CTNNA2: variants seen among roughly 807,000 people sequenced by gnomAD.
The protein encoded by CTNNA2 is catenin alpha 2.
Under a neutral mutation model 101.0 loss-of-function variants are expected in CTNNA2, and 42 were observed. The ratio of observed to expected loss-of-function variants is 0.42; its 90% CI spans 0.32 to 0.54. The LOEUF (loss-of-function observed/expected upper bound fraction) is 0.54, where lower values mean the gene tolerates loss of function less well. Among genes scored for constraint, CTNNA2 ranks in the 20% least tolerant of loss-of-function variants. CTNNA2 has a pLI of 0.14. For synonymous variants in CTNNA2, 450 were observed against 456.4 expected, an observed-to-expected ratio of 0.99 and a Z score of 0.18; for missense variants, 871 against 1,223.1, an observed-to-expected ratio of 0.71 and a Z score of 4.29.
intron 7 of CTNNA2, among the ~76,000 whole-genome samples, chr2:80,252,969 G>A (rs1671878492): frequency 6.6e-6 from 1 of 152,054 alleles, no homozygotes; most frequent in African/African-American, 2.4e-5. Flanking sequence ...AGAAACCCTG[G>A]CTCTAAAGTA....
chr2:80,427,363 T>A (rs541305249), intron 9 of CTNNA2, among the ~76,000 whole-genome samples: 2 of 152,332 alleles, frequency 1.3e-5, no homozygotes, highest in East Asian at 3.9e-4. Context: ...CACCTGCTGT[T>A]TGCTACGAGG....
At chr2:79,942,340 C>T (rs925906579) in intron 7 of CTNNA2, among the ~76,000 whole-genome samples, 39 of 152,168 alleles carry the variant, frequency 2.6e-4, no homozygotes, top group Non-Finnish European at 4.4e-5. Flanking sequence ...ATCAGGTTAC[C>T]AGGTCCATGG....
intron 1 of CTNNA2, among the ~76,000 whole-genome samples, chr2:79,624,784 TA>T (rs757459354): frequency 1.3e-5 from 2 of 152,060 alleles, no homozygotes; most frequent in African/African-American, 2.4e-5. Context: ...AAAACATAAT[TA>T]AGATCAGTTC....
intron 7 of CTNNA2, among the ~76,000 whole-genome samples, chr2:80,239,500 G>A (rs573541664): frequency 6.6e-6 from 1 of 152,092 alleles, no homozygotes; most frequent in African/African-American, 2.4e-5. Flanking sequence ...CCGCAGTGGA[G>A]GTCTAATAGT....
intron 4 of CTNNA2, among the ~76,000 whole-genome samples, chr2:79,504,775 G>A (rs1671376846): frequency 6.6e-6 from 1 of 152,148 alleles, no homozygotes; most frequent in Non-Finnish European, 1.5e-5. Flanking sequence ...TGTCTTTTTA[G>A]TTGTATTAAA....
chr2:79,782,288 G>A (rs989061767), intron 3 of CTNNA2, among the ~76,000 whole-genome samples: 5 of 152,092 alleles, frequency 3.3e-5, no homozygotes, highest in African/African-American at 1.2e-4. Context: ...CCAGGTTGGA[G>A]TGCAATGGCA....
intron 6 of CTNNA2, among the ~76,000 whole-genome samples, chr2:79,886,281 A>G (rs951863485): frequency 7.2e-5 from 11 of 152,172 alleles, no homozygotes; most frequent in Admixed American, 2.0e-4. Context: ...AAAGATCATC[A>G]TTGCATGCAG....
At position 79,651,561 on chromosome 2, in the gene CTNNA2, C is replaced by A; in HGVS notation, c.5C>A (p.Thr2Asn). Residue 2 changes from threonine (T) to asparagine (N), a missense_variant, in exon 2 of 19, where the codon ACT becomes AAT. By Grantham distance (65) the Thr-to-Asn change is moderately conservative (BLOSUM62 0). Transcript: ENST00000402739. Reference protein sequence around the residue: MTSATSPIILKW... With the variant: MNSATSPIILKW... The stretch of plus-strand genomic sequence containing the variant: ...ACATGTGTTCCCATAGGGAGCATGA[C>A]TTCGGCAACTTCACCTATCATTCTG... 1 of 1,613,708 alleles carries A rather than the reference C, an allele frequency of 6.2e-7. No homozygotes were observed. Among genetic ancestry groups the A allele is most frequent in the East Asian group, 2.2e-5 (1 of 44,882 alleles).
At chr2:80,312,117 G>A (rs371476326) in intron 7 of CTNNA2, among the ~76,000 whole-genome samples, 7 of 152,272 alleles carry the variant, frequency 4.6e-5, no homozygotes, top group Admixed American at 1.3e-4. Flanking sequence ...AATAGCATTC[G>A]AACATAAATT....
intron 15 of CTNNA2, among the ~76,000 whole-genome samples, chr2:80,592,117 T>G (rs1052408890): frequency 6.6e-6 from 1 of 152,186 alleles, no homozygotes; most frequent in Non-Finnish European, 1.5e-5. Flanking sequence ...CAAACTTAAG[T>G]TCTAATCTTC....
intron 9 of CTNNA2, among the ~76,000 whole-genome samples, chr2:80,535,131 C>T (rs904020788): frequency 6.6e-6 from 1 of 152,126 alleles, no homozygotes; most frequent in African/African-American, 2.4e-5. Flanking sequence ...TCACATAGAG[C>T]TCCCTTCGGT....
chr2:80,258,578 T>C (rs957076307), intron 7 of CTNNA2, among the ~76,000 whole-genome samples: 2 of 152,116 alleles, frequency 1.3e-5, no homozygotes, highest in African/African-American at 2.4e-5. Context: ...CACTGAGCCA[T>C]TGATGATAAA....
chr2:79,858,297 T>C, intron 4 of CTNNA2, 118 bp downstream of exon 4: 1 of 653,558 alleles, frequency 1.5e-6, no homozygotes, highest in Non-Finnish European at 2.4e-6. Context: ...GTTCATTACC[T>C]ACCCATGTGG....
intron 7 of CTNNA2, among the ~76,000 whole-genome samples, chr2:80,113,489 G>A (rs530598655): frequency 6.6e-6 from 1 of 152,264 alleles, no homozygotes; most frequent in Non-Finnish European, 1.5e-5. Flanking sequence ...TCATTCTTCC[G>A]GATCAGGAAT....
chr2:79,775,858 C>G (rs1186939560), intron 3 of CTNNA2, among the ~76,000 whole-genome samples: 2 of 152,156 alleles, frequency 1.3e-5, no homozygotes, highest in African/African-American at 4.8e-5. Flanking sequence ...TGTTGCATTT[C>G]TAAATTTACT....
chr2:80,495,944 A>C (rs1387649996), intron 9 of CTNNA2, among the ~76,000 whole-genome samples: 2 of 145,996 alleles, frequency 1.4e-5, no homozygotes, highest in Non-Finnish European at 3.0e-5. Context: ...TGTCTCAAAA[A>C]AAAAAAAAAA....
chr2:80,511,355 G>A (rs2149552261), intron 9 of CTNNA2, among the ~76,000 whole-genome samples: 1 of 152,290 alleles, frequency 6.6e-6, no homozygotes, highest in Non-Finnish European at 1.5e-5. Context: ...ACAACTGTGA[G>A]GCTACCTCTA....
intron 7 of CTNNA2, among the ~76,000 whole-genome samples, chr2:80,324,842 T>C (rs1026319072): frequency 6.6e-6 from 1 of 152,150 alleles, no homozygotes; most frequent in Non-Finnish European, 1.5e-5. Flanking sequence ...CTCCCATCTT[T>C]GCATAGCCAT....
intron 2 of CTNNA2, among the ~76,000 whole-genome samples, chr2:79,665,437 A>G (rs1358120529): frequency 6.6e-6 from 1 of 152,218 alleles, no homozygotes; most frequent in African/African-American, 2.4e-5. Context: ...TCGGAATGGC[A>G]TATAATAGTG....
Sources: allele counts gnomAD v4.1 joint callset (sites outside exome capture counted in the v4.1 genomes callset), GRCh38; gene constraint gnomAD v4.1.1; transcripts MANE v1.5; gene names NCBI Gene and HGNC (gene_info 2026-07-23, HGNC 2026-07-21).